Variants in DYRK2 observed in about 807,000 individuals in gnomAD.
DYRK2 encodes dual specificity tyrosine-phosphorylation-regulated kinase 2.
A neutral mutation model predicts 41.6 loss-of-function variants in DYRK2; 12 were observed. The observed-to-expected ratio is 0.29, with a 90% CI of 0.18 to 0.47. DYRK2 has a LOEUF of 0.47. DYRK2 is among the 20% of genes least tolerant of loss of function. DYRK2 has a pLI of 1.00. For missense variants in DYRK2, 678 were observed against 798.4 expected, an observed-to-expected ratio of 0.85 and a Z score of 1.82; for synonymous variants, 322 against 315.7, an observed-to-expected ratio of 1.02 and a Z score of -0.21.
At chr12:67,649,260 T>G (rs2120801794) in intron 1 of DYRK2, 78 bp downstream of exon 1, 1 of 1,163,420 alleles carries the variant, frequency 8.6e-7, no homozygotes. Context: ...GGGCGGCCGC[T>G]GCCTGCGGGA....
Position 67,658,902 on chromosome 12 carries a change from T to C in DYRK2, c.*189T>C. The C allele has an allele frequency of 1.7e-6, 1 of 592,522 alleles. No individual in the cohort carries two copies. The highest frequency in any genetic ancestry group is 2.7e-6 in the Non-Finnish European group (1 of 368,814). The allele number at this position is 592,522 out of a possible 1,614,324, so 36.7% of individuals were successfully genotyped here. A position where few individuals can be genotyped will look rare whatever the true frequency, so the allele number is the denominator to read the frequency against. ...TATAAAATACATGAGGACAATGCTT[T>C]AAGTTTTTATACTTTCAGAAACTTT... On this transcript the variant is annotated 3_prime_UTR_variant, in exon 3 of 3. Coordinates refer to ENST00000344096, the MANE Select transcript of DYRK2 (RefSeq NM_006482.3). This position sits in a 1 kb window ranked among gnomAD's most constrained non-coding sequence, Gnocchi z 4.3.
rs907929447 is a variant in DYRK2 at position 67,664,828 on chromosome 12, C to T, written c.*6115C>T. The T allele has an allele frequency of 6.6e-6, 1 of 152,042 alleles. No individual in the cohort carries two copies. Among genetic ancestry groups the T allele is most frequent in the South Asian group, 2.1e-4 (1 of 4,826 alleles). The allele number at this position is 152,042 out of a possible 1,614,324, so 9.4% of individuals were successfully genotyped here. On this transcript the variant is annotated 3_prime_UTR_variant, in exon 3 of 3. Coordinates refer to ENST00000344096, the MANE Select transcript of DYRK2 (RefSeq NM_006482.3). ...AATAACTTAATGCATGTGCACACAC[C>T]CTCAGTTAATTTGTAAGAGAGTGAC...
intron 2 of DYRK2, among the ~76,000 whole-genome samples, chr12:67,650,545 AC>A (rs1221426245): frequency 6.6e-6 from 1 of 152,114 alleles, no homozygotes; most frequent in East Asian, 1.9e-4. Context: ...AAAACAAGCC[AC>A]CCCTGTAGGA....
rs553531952 is a variant in DYRK2, at chr12:67,655,654, C to T, written c.199-1452C>T. On this transcript the variant is annotated intron_variant, in intron 2 of 2. Coordinates refer to ENST00000344096, the MANE Select transcript of DYRK2 (RefSeq NM_006482.3). ...TCAGACAGGCCCCAAGTATTGTCTT[C>T]TGTTTTGTTTTAGTTAGAAGTGGGC... Among the ~76,000 whole-genome samples, 4 of 152,272 alleles carry T rather than the reference C, an allele frequency of 2.6e-5. No individual in the cohort carries two copies. The South Asian group carries it at 6.2e-4, about 24-fold the overall frequency.
intron 1 of DYRK2, 75 bp downstream of exon 1, chr12:67,649,257 C>G: frequency 8.4e-7 from 1 of 1,189,648 alleles, no homozygotes; most frequent in Non-Finnish European, 1.1e-6. Flanking sequence ...CGCGGGCGGC[C>G]GCTGCCTGCG....
At chr12:67,654,337 T>C (rs1364919546) in intron 2 of DYRK2, among the ~76,000 whole-genome samples, 1 of 152,228 alleles carries the variant, frequency 6.6e-6, no homozygotes, top group Admixed American at 6.5e-5. Flanking sequence ...CCTTGTGTTC[T>C]TACTGGTAAG....
rs1317863223 is a variant in DYRK2 at position 67,664,235 on chromosome 12, A to G, written c.*5522A>G. 2.0e-5 allele frequency: 3 copies of G among 152,118 alleles called. No individual in the cohort carries two copies. Among genetic ancestry groups the G allele is most frequent in the South Asian group, 2.1e-4 (1 of 4,834 alleles). 9.4% of individuals were successfully genotyped at this position (152,118 alleles called of 1,614,324 possible). Reference sequence around the variant, plus strand: ...CTATTTTGCTATGGTCATATCCTTAATATCTGCGGTACATTTCATATATAT... The same window carrying G: ...CTATTTTGCTATGGTCATATCCTTAGTATCTGCGGTACATTTCATATATAT... On this transcript the variant is annotated 3_prime_UTR_variant, in exon 3 of 3. Coordinates refer to ENST00000344096, the MANE Select transcript of DYRK2 (RefSeq NM_006482.3).
Position 67,649,042 on chromosome 12 carries a change from G to T in DYRK2, c.-92G>T, listed in dbSNP as rs540086290. ...GGCGCCGGGGACCCGCGCGAGGGGC[G>T]GCCGGGAGGCGGCGGCGGCGGCCGC... On this transcript the variant is annotated 5_prime_UTR_variant, in exon 1 of 3. Coordinates refer to ENST00000344096, the MANE Select transcript of DYRK2 (RefSeq NM_006482.3). The T allele has an allele frequency of 1.7e-6, 2 of 1,152,810 alleles. No homozygotes were observed. Among genetic ancestry groups the T allele is most frequent in the Non-Finnish European group, 2.3e-6 (2 of 873,384 alleles). 71.4% of individuals were successfully genotyped at this position (1,152,810 alleles called of 1,614,324 possible). A position where few individuals can be genotyped will look rare whatever the true frequency, so the allele number is the denominator to read the frequency against.
chr12:67,649,536 C>T (rs561913287), intron 1 of DYRK2: 75 of 381,264 alleles, frequency 2.0e-4, no homozygotes, highest in African/African-American at 1.4e-3. Flanking sequence ...ACGTGGGCCG[C>T]CTAGCCCCGG....
Position 67,649,824 on chromosome 12 carries a change from A to G in DYRK2, c.77A>G (p.Gln26Arg). The G allele has an allele frequency of 7.5e-7, 1 of 1,327,892 alleles. No individual in the cohort carries two copies. Among genetic ancestry groups the G allele is most frequent in the Non-Finnish European group, 9.7e-7 (1 of 1,032,512 alleles). 82.3% of individuals were successfully genotyped at this position (1,327,892 alleles called of 1,614,324 possible). Reference protein sequence around the residue: ...TGRGGDSAVRQLQASPGLGAG... With the variant: ...TGRGGDSAVRRLQASPGLGAG... ...CGAGGTGGGGACAGCGCCGTTCGTCAGCTTCAGGCTTCCCCGGGGCTCGGT... is the reference window on the plus strand; with the variant it reads ...CGAGGTGGGGACAGCGCCGTTCGTCGGCTTCAGGCTTCCCCGGGGCTCGGT... The change falls in exon 2 of 3, where the codon CAG becomes CGG. Residue 26 changes from glutamine to arginine, a missense_variant. This residue lies in a region of DYRK2 where 285 missense variants were observed against 279.2 expected (regional missense o/e 1.02). Coordinates refer to ENST00000344096, the MANE Select transcript of DYRK2 (RefSeq NM_006482.3).
intron 2 of DYRK2, among the ~76,000 whole-genome samples, chr12:67,656,490 A>G (rs997145316): frequency 2.6e-5 from 4 of 152,226 alleles, no homozygotes; most frequent in African/African-American, 9.6e-5. Context: ...ATAAGATACT[A>G]TGGTACACAT....
intron 2 of DYRK2, among the ~76,000 whole-genome samples, chr12:67,655,337 C>T (rs1797709): frequency 0.076 from 11,609 of 152,106 alleles, 518 homozygotes; most frequent in African/African-American, 0.11. Flanking sequence ...TGATTCAGGC[C>T]CCTTTATTGT....
rs61733656 is a variant in DYRK2, at chr12:67,658,304, C to G, written c.1397C>G (p.Thr466Ser). 3.5e-5 allele frequency: 56 copies of G among 1,614,232 alleles called. No homozygotes were observed. In the African/African-American group the frequency reaches 6.8e-4, roughly 20 times the overall value. Residue 466 changes from threonine to serine, a missense_variant, in exon 3 of 3, where the codon ACT (threonine) becomes AGT (serine). By Grantham distance (58) the Thr-to-Ser change is moderately conservative. This residue lies in a region of DYRK2 where 393 missense variants were observed against 519.1 expected (regional missense o/e 0.76). Transcript: ENST00000344096. The surrounding 1 kb of genome is among the most constrained non-coding windows in gnomAD (Gnocchi z 4.3). ...VSSKGYPRYC[T>S]VTTLSDGSVV... ...TCCAAGGGTTATCCCCGTTACTGCA[C>G]TGTCACGACTCTCTCAGATGGCTCT...
rs770414447 is a variant in DYRK2, at chr12:67,657,884, G to A, written c.977G>A (p.Arg326His). ...CAGGGCTTCAGTCTGCCTTTGGTTC[G>A]CAAGTTTGCCCACTCGATTCTGCAG... ...KFQGFSLPLV[R>H]KFAHSILQCL... is the part of the protein sequence containing the mutation. The change falls in exon 3 of 3, where the codon CGC (arginine) becomes CAC (histidine). Residue 326 changes from arginine (R) to histidine (H), a missense_variant. This residue lies in a region of DYRK2 where 393 missense variants were observed against 519.1 expected (regional missense o/e 0.76). Coordinates refer to ENST00000344096, the MANE Select transcript of DYRK2 (RefSeq NM_006482.3). The surrounding 1 kb of genome is among the most constrained non-coding windows in gnomAD (Gnocchi z 4.8). 1.9e-6 allele frequency: 3 copies of A among 1,614,064 alleles called. No homozygotes were observed. Among genetic ancestry groups the A allele is most frequent in the East Asian group, 2.2e-5 (1 of 44,904 alleles).
rs1314632610 is a variant in DYRK2, at chr12:67,658,089, C to A, written c.1182C>A (p.Ile394=). The A allele has an allele frequency of 1.9e-6, 3 of 1,614,204 alleles. No homozygotes were observed. Among genetic ancestry groups the A allele is most frequent in the Admixed American group, 3.3e-5 (2 of 60,026 alleles). The change falls in exon 3 of 3, where the codon ATC becomes ATA. Residue 394 remains isoleucine, a synonymous_variant. Transcript: ENST00000344096. The surrounding 1 kb of genome is among the most constrained non-coding windows in gnomAD (Gnocchi z 4.3). ...GTTTTTACCGGGCTCCAGAAGTGAT[C>A]CTTGGGGCCAGGTATGGCATGCCCA... ...QSRFYRAPEV[I]LGARYGMPID... is the part of the protein sequence containing the mutation.
At position 67,665,343 on chromosome 12, in the gene DYRK2, G is replaced by A. The variant is rs1872716905; in HGVS notation, c.*6630G>A. 6.6e-6 allele frequency: 1 copy of A among 152,078 alleles called. No individual in the cohort carries two copies. Among genetic ancestry groups the A allele is most frequent in the African/African-American group, 2.4e-5 (1 of 41,408 alleles). 9.4% of individuals were successfully genotyped at this position (152,078 alleles called of 1,614,324 possible). A position where few individuals can be genotyped will look rare whatever the true frequency, so the allele number is the denominator to read the frequency against. On this transcript the variant is annotated 3_prime_UTR_variant, in exon 3 of 3. Coordinates refer to ENST00000344096, the MANE Select transcript of DYRK2 (RefSeq NM_006482.3). ...TTACTGAATTGTTTTCAATTGTTTT[G>A]GGAGAAATGTAACTAATTATAAGCA...
rs1217584168 is a variant in DYRK2, at chr12:67,657,325, C to A, written c.418C>A (p.Leu140Ile). 1 of 1,613,856 alleles carries A rather than the reference C, an allele frequency of 6.2e-7. No individual in the cohort carries two copies. The highest frequency in any genetic ancestry group is 1.3e-5 in the African/African-American group (1 of 74,880). Residue 140 changes from leucine to isoleucine, a missense_variant, in exon 3 of 3, where the codon CTA (leucine) becomes ATA (isoleucine). By Grantham distance (5) the Leu-to-Ile change is conservative. Coordinates refer to ENST00000344096, the MANE Select transcript of DYRK2 (RefSeq NM_006482.3). This position sits in a 1 kb window ranked among gnomAD's most constrained non-coding sequence, Gnocchi z 4.8. The stretch of plus-strand genomic sequence containing the variant: ...TAGACGGCAGGGGAGCTCCACCTCT[C>A]TAAAGTCCATGGAAGGCATGGGGAA... Reference protein sequence around the residue: ...IHRRQGSSTSLKSMEGMGKVK... With the variant: ...IHRRQGSSTSIKSMEGMGKVK...
rs10467153 is a variant in DYRK2 at position 67,662,032 on chromosome 12, T to C, written c.*3319T>C. 40,077 of 166,104 alleles carry C rather than the reference T, an allele frequency of 0.24. 4,979 individuals are homozygous for C. Among genetic ancestry groups the C allele is most frequent in the East Asian group, 0.4 (2,091 of 5,166 alleles). The allele number at this position is 166,104 out of a possible 1,614,324, so 10.3% of individuals were successfully genotyped here. ...GTGGTTTGGGGTCGTGTTAAATGAC[T>C]CCATCAGAATGTTAGAAAACACTTT... On this transcript the variant is annotated 3_prime_UTR_variant, in exon 3 of 3. Coordinates refer to ENST00000344096, the MANE Select transcript of DYRK2 (RefSeq NM_006482.3).
rs1189372203 is a variant in DYRK2, at chr12:67,661,992, T to C, written c.*3279T>C. 6 of 166,400 alleles carry C rather than the reference T, an allele frequency of 3.6e-5. No individual in the cohort carries two copies. Among genetic ancestry groups the C allele is most frequent in the African/African-American group, 1.2e-4 (5 of 41,452 alleles). 10.3% of individuals were successfully genotyped at this position (166,400 alleles called of 1,614,324 possible). ...TTTGGGTGCAAGGCACTTAAGCCAC[T>C]TTTAAACTTAATGGGTGGTTTGGGG... On this transcript the variant is annotated 3_prime_UTR_variant, in exon 3 of 3. Coordinates refer to ENST00000344096, the MANE Select transcript of DYRK2 (RefSeq NM_006482.3).
Sources: gnomAD v4.1 joint callset for allele counts (sites outside exome capture counted in the v4.1 genomes callset) on GRCh38, gnomAD v4.1.1 for gene constraint, gnomAD v4.1.1 regional missense constraint, Gnocchi (gnomAD v3.1) non-coding constraint, MANE v1.5 for transcripts, NCBI Gene and HGNC (gene_info 2026-07-23, HGNC 2026-07-21) for gene names.